Variants in PKNOX2 observed in about 807,000 individuals in gnomAD.
PKNOX2 encodes homeobox protein PKNOX2.
PKNOX2 carries 14 observed loss-of-function variants against 53.1 expected under a neutral mutation model. The ratio of observed to expected loss-of-function variants is 0.26; its 90% confidence interval spans 0.17 to 0.41. PKNOX2 has a LOEUF of 0.41. PKNOX2 is among the 10% of genes least tolerant of loss of function. The probability of loss-of-function intolerance (pLI) is 1.00; values close to 1 mark genes in which losing one functional copy is unlikely to be tolerated. For missense variants in PKNOX2, 496 were observed against 602.8 expected (o/e 0.82, Z 1.85); for synonymous variants, 257 against 242.8 (o/e 1.06, Z -0.54).
intron 9 of PKNOX2, 181 bp from the exon 10 acceptor site, chr11:125,411,565 G>GCCTCA (rs1955551400): frequency 1.5e-6 from 1 of 645,570 alleles, no homozygotes; most frequent in Non-Finnish European, 2.5e-6. Context: ...CATCACCCAA[G>GCCTCA]CCTCACCTCC....
rs113270356 is a variant in PKNOX2 at position 125,416,110 on chromosome 11, C to T, written c.936+4245C>T. Among the ~76,000 whole-genome samples, 1,391 of 151,494 alleles carry T rather than the reference C, an allele frequency of 9.2e-3. 20 individuals are homozygous for T. The highest frequency in any genetic ancestry group is 0.032 in the African/African-American group (1,327 of 41,312). ...CGAGGTCAGGAGATCGAGACCATCCCGGCTAAAACGGTGAAACCCCGTCTC... is the reference window on the plus strand; with the variant it reads ...CGAGGTCAGGAGATCGAGACCATCCTGGCTAAAACGGTGAAACCCCGTCTC... On this transcript the variant is annotated intron_variant, in intron 10 of 12. Coordinates refer to ENST00000298282, the MANE Select transcript of PKNOX2 (RefSeq NM_001382323.2).
At chr11:125,369,500 C>T (rs1482291893) in intron 5 of PKNOX2, among the ~76,000 whole-genome samples, 1 of 152,240 alleles carries the variant, frequency 6.6e-6, no homozygotes, top group Non-Finnish European at 1.5e-5. Context: ...TAGACTCCAG[C>T]AGAAGGAGGG....
intron 2 of PKNOX2, among the ~76,000 whole-genome samples, chr11:125,296,568 T>C (rs1187723707): frequency 6.6e-6 from 1 of 152,228 alleles, no homozygotes. Flanking sequence ...CTTGATCCTT[T>C]TAATTCTGGC....
At chr11:125,335,747 G>A (rs1233412359) in intron 3 of PKNOX2, among the ~76,000 whole-genome samples, 2 of 152,192 alleles carry the variant, frequency 1.3e-5, no homozygotes, top group African/African-American at 4.8e-5. Context: ...GAGGCCAGTA[G>A]GTTGAGGCTG....
chr11:125,217,827 G>A lies in PKNOX2; in HGVS notation c.-200-17218G>A, dbSNP rs1047201250. 2.0e-5 allele frequency among the ~76,000 whole-genome samples: 3 copies of A among 152,092 alleles called. No individual in the cohort carries two copies. The East Asian group carries it at 5.8e-4, about 29-fold the overall frequency. ...TTACGCTTGTTTCATCTTCACAATG[G>A]CCTCCTGATCCCTCCATCACAAATA... On this transcript the variant is annotated intron_variant, in intron 1 of 12. Transcript: ENST00000298282.
Position 125,432,135 on chromosome 11 carries a change from T to G in PKNOX2, c.*743T>G, listed in dbSNP as rs546621313. 36 of 152,336 alleles carry G rather than the reference T, an allele frequency of 2.4e-4. No homozygotes were observed. Among genetic ancestry groups the G allele is most frequent in the African/African-American group, 8.2e-4 (34 of 41,542 alleles). The allele number at this position is 152,336 out of a possible 1,614,324, so 9.4% of individuals were successfully genotyped here. On this transcript the variant is annotated 3_prime_UTR_variant, in exon 13 of 13. Transcript: ENST00000298282. ...TAAGAGGAGTCCCTTCTGGGTTGAC[T>G]CCAAGAGCCAAGGAGATGGCAGACC...
chr11:125,274,389 C>T (rs1258631459), intron 2 of PKNOX2, among the ~76,000 whole-genome samples: 3 of 152,136 alleles, frequency 2.0e-5, no homozygotes, highest in South Asian at 2.1e-4. Context: ...GTGTTCCCTC[C>T]GCAGAGCACA....
At chr11:125,397,574 C>T (rs1375355269) in intron 6 of PKNOX2, among the ~76,000 whole-genome samples, 1 of 152,244 alleles carries the variant, frequency 6.6e-6, no homozygotes. Context: ...TGGACCTGGC[C>T]TCCCATCGCT....
At chr11:125,408,654 C>G (rs1320153803) in intron 7 of PKNOX2, among the ~76,000 whole-genome samples, 4 of 152,232 alleles carry the variant, frequency 2.6e-5, no homozygotes, top group African/African-American at 7.2e-5. Flanking sequence ...TCAGCTGAAT[C>G]GAGTGAGATG....
chr11:125,400,871 T>C (rs548859741), intron 7 of PKNOX2, among the ~76,000 whole-genome samples: 1 of 152,264 alleles, frequency 6.6e-6, no homozygotes, highest in African/African-American at 2.4e-5. Context: ...TTTTACATGT[T>C]TGAAATCACC....
At position 125,400,039 on chromosome 11, in the gene PKNOX2, A is replaced by G. The variant is rs552662421; in HGVS notation, c.588+1977A>G. Among the ~76,000 whole-genome samples, 151 of 152,340 alleles carry G rather than the reference A, an allele frequency of 9.9e-4. 1 individual carries two copies. The South Asian group carries it at 0.019, about 19-fold the overall frequency. The stretch of plus-strand genomic sequence containing the variant: ...CTTCTGAGCTTTGAGGAAAGACAGA[A>G]GAATTTTGATTCCTATCACTGGAAG... On this transcript the variant is annotated intron_variant, in intron 7 of 12. Coordinates refer to ENST00000298282, the MANE Select transcript of PKNOX2 (RefSeq NM_001382323.2).
chr11:125,222,964 A>C (rs1295326731), intron 1 of PKNOX2, among the ~76,000 whole-genome samples: 1 of 152,196 alleles, frequency 6.6e-6, no homozygotes, highest in Non-Finnish European at 1.5e-5. Context: ...CACACCAGAC[A>C]ACCTACAGGA....
chr11:125,324,515 G>T (rs1949721456), intron 2 of PKNOX2, among the ~76,000 whole-genome samples: 1 of 152,084 alleles, frequency 6.6e-6, no homozygotes, highest in African/African-American at 2.4e-5. Context: ...TTCCATTTAG[G>T]ATTATATAAT....
At chr11:125,322,020 C>T (rs1324938432) in intron 2 of PKNOX2, among the ~76,000 whole-genome samples, 1 of 152,072 alleles carries the variant, frequency 6.6e-6, no homozygotes, top group Non-Finnish European at 1.5e-5. Flanking sequence ...CAAAAGGCTC[C>T]ATCTTTTAAT....
At chr11:125,226,869 C>T (rs1327992289) in intron 1 of PKNOX2, among the ~76,000 whole-genome samples, 1 of 151,540 alleles carries the variant, frequency 6.6e-6, no homozygotes, top group Non-Finnish European at 1.5e-5. Context: ...GCTGTCCCAT[C>T]CTCAGGAACA....
intron 10 of PKNOX2, among the ~76,000 whole-genome samples, chr11:125,420,923 G>A (rs75595372): frequency 6.6e-6 from 1 of 152,144 alleles, no homozygotes; most frequent in African/African-American, 2.4e-5. Flanking sequence ...GCAGAGAGCA[G>A]TCTCTCGCCT....
intron 2 of PKNOX2, among the ~76,000 whole-genome samples, chr11:125,316,140 A>G (rs73621047): frequency 0.023 from 3,557 of 152,254 alleles, 150 homozygotes; most frequent in African/African-American, 0.079. Context: ...GGACGCATGG[A>G]GGGAATGAGA....
intron 2 of PKNOX2, among the ~76,000 whole-genome samples, chr11:125,243,669 C>T (rs1332740746): frequency 6.6e-6 from 1 of 150,776 alleles, no homozygotes; most frequent in Non-Finnish European, 1.5e-5. Context: ...GTCGCCCAGG[C>T]TGGAGTGCAG....
chr11:125,409,092 A>C (rs1397512853), intron 7 of PKNOX2, among the ~76,000 whole-genome samples: 1 of 152,176 alleles, frequency 6.6e-6, no homozygotes, highest in African/African-American at 2.4e-5. Flanking sequence ...AGGAGCTAAG[A>C]GACTCAGGCA....
Sources: gnomAD v4.1 joint callset for allele counts (sites outside exome capture counted in the v4.1 genomes callset) on GRCh38, gnomAD v4.1.1 for gene constraint, MANE v1.5 for transcripts, NCBI Gene and HGNC (gene_info 2026-07-23, HGNC 2026-07-21) for gene names.